EARS2: variants seen among roughly 807,000 people sequenced by gnomAD.
EARS2 encodes the protein glutamyl-tRNA synthetase 2, mitochondrial, also known as nondiscriminating glutamyl-tRNA synthetase EARS2, mitochondrial.
In EARS2, 50 loss-of-function variants were observed where a neutral mutation model predicts 54.1. The observed-to-expected ratio is 0.92, with a 90% CI of 0.74 to 1.17. The LOEUF (loss-of-function observed/expected upper bound fraction) is 1.17, where lower values mean the gene tolerates loss of function less well. EARS2 is among the 50% of genes most tolerant of loss of function. The pLI is 0.00. For synonymous variants in EARS2, 298 were observed against 281.0 expected (o/e 1.06, Z -0.61); for missense variants, 673 against 675.0 (o/e 1.00, Z 0.03).
intron 1 of EARS2, 72 bp downstream of exon 1, chr16:23,557,133 A>G: frequency 6.7e-7 from 1 of 1,485,292 alleles, no homozygotes; most frequent in Non-Finnish European, 8.9e-7. Context: ...GAAAGGATTC[A>G]TTCGGGAACA....
At chr16:23,547,404 G>A (rs985597232) in intron 2 of EARS2, among the ~76,000 whole-genome samples, 4 of 152,190 alleles carry the variant, frequency 2.6e-5, no homozygotes, top group African/African-American at 7.2e-5. Flanking sequence ...TGATGGAAAT[G>A]TTCTGGAATT....
Position 23,521,858 on chromosome 16 carries a change from C to T in EARS2, c.*2513G>A. 1 of 456,052 alleles carries T rather than the reference C, an allele frequency of 2.2e-6. No individual in the cohort carries two copies. Among genetic ancestry groups the T allele is most frequent in the Non-Finnish European group, 4.4e-6 (1 of 226,804 alleles). The allele number at this position is 456,052 out of a possible 1,614,324, so 28.3% of individuals were successfully genotyped here. On this transcript the variant is annotated 3_prime_UTR_variant, in exon 9 of 9. Transcript: ENST00000449606. Reference sequence around the variant, plus strand: ...GTCTTAGAAACAGATGCTCTGACAACACTCAGTAGATCAGAGTTAAGCTTG... The same window carrying T: ...GTCTTAGAAACAGATGCTCTGACAATACTCAGTAGATCAGAGTTAAGCTTG...
chr16:23,528,567 G>A (rs1965268616), intron 7 of EARS2, among the ~76,000 whole-genome samples: 1 of 152,220 alleles, frequency 6.6e-6, no homozygotes. Context: ...CCTCATGGTG[G>A]AGACAGGCAG....
In EARS2 at chr16:23,529,874, C is replaced by T. The variant is rs1315861383; in HGVS notation, c.1091G>A (p.Ser364Asn). Reference protein sequence around the residue: ...FNRLHLQRLVSNESQRRQLVG... With the variant: ...FNRLHLQRLVNNESQRRQLVG... ...CAGCTGGCGCCTCTGGCTCTCATTG[C>T]TCACCAGCCGCTGGAGGTGCAGTCT... Residue 364 changes from serine to asparagine, a missense_variant, in exon 6 of 9, where the codon AGC becomes AAC. Physicochemically the swap from Ser to Asn is conservative, Grantham distance 46. Transcript: ENST00000449606. The T allele has an allele frequency of 6.2e-7, 1 of 1,614,028 alleles. No individual in the cohort carries two copies. Among genetic ancestry groups the T allele is most frequent in the African/African-American group, 1.3e-5 (1 of 74,910 alleles).
Position 23,525,271 on chromosome 16 carries a change from G to C in EARS2, c.1461C>G (p.Leu487=). 1 of 1,614,120 alleles carries C rather than the reference G, an allele frequency of 6.2e-7. No individual in the cohort carries two copies. The highest frequency in any genetic ancestry group is 1.3e-5 in the African/African-American group (1 of 75,016). Residue 487 remains leucine (L), a synonymous_variant, in exon 8 of 9, where the codon CTC becomes CTG. Coordinates refer to ENST00000449606, the MANE Select transcript of EARS2 (RefSeq NM_001083614.2). ...EGTKYSNVMK[L]LRMALSGQQQ... is the part of the protein sequence containing the mutation. The stretch of plus-strand genomic sequence containing the variant: ...GCTGTCCACTGAGGGCCATCCGAAG[G>C]AGTTTCATCACATTACTGTACTTGG...
At chr16:23,525,467 AC>A in intron 7 of EARS2, 88 bp from the exon 8 acceptor site, 1 of 1,408,970 alleles carries the variant, frequency 7.1e-7, no homozygotes, top group Non-Finnish European at 9.7e-7. Flanking sequence ...TTGATCAGCT[AC>A]AGTACGAGCA....
At position 23,524,035 on chromosome 16, in the gene EARS2, T is replaced by C; in HGVS notation, c.*336A>G. ...CTGTGGCATTTTGTTATGGGGGCCCTAGCAAACTGAAACCCAAGCCTTCTG... is the reference window on the plus strand; with the variant it reads ...CTGTGGCATTTTGTTATGGGGGCCCCAGCAAACTGAAACCCAAGCCTTCTG... On this transcript the variant is annotated 3_prime_UTR_variant, in exon 9 of 9. Coordinates refer to ENST00000449606, the MANE Select transcript of EARS2 (RefSeq NM_001083614.2). 8.5e-6 allele frequency: 2 copies of C among 236,582 alleles called. No homozygotes were observed. Among genetic ancestry groups the C allele is most frequent in the Admixed American group, 5.3e-5 (1 of 18,880 alleles). The allele number at this position is 236,582 out of a possible 1,614,324, so 14.7% of individuals were successfully genotyped here. A position where few individuals can be genotyped will look rare whatever the true frequency, so the allele number is the denominator to read the frequency against.
intron 1 of EARS2, among the ~76,000 whole-genome samples, chr16:23,556,230 CA>C (rs1288116752): frequency 6.6e-6 from 1 of 152,064 alleles, no homozygotes; most frequent in Non-Finnish European, 1.5e-5. Flanking sequence ...TGGTGGGAAC[CA>C]AAAGGCCCTG....
intron 2 of EARS2, among the ~76,000 whole-genome samples, chr16:23,551,816 A>C (rs1438991218): frequency 6.6e-6 from 1 of 152,126 alleles, no homozygotes; most frequent in East Asian, 1.9e-4. Flanking sequence ...AGCTACTTGG[A>C]GGCTGAGGCA....
chr16:23,521,944 G>C lies in EARS2; in HGVS notation c.*2427C>G, dbSNP rs1033331851. On this transcript the variant is annotated 3_prime_UTR_variant, in exon 9 of 9. Transcript: ENST00000449606. ...GGTTTTGCCTCGTACTATAACCTCG[G>C]AAGTTTTAGTTAACTTTTCAGAACC... 5.2e-6 allele frequency: 2 copies of C among 382,636 alleles called. No individual in the cohort carries two copies. The highest frequency in any genetic ancestry group is 4.2e-5 in the African/African-American group (2 of 47,260). The allele number at this position is 382,636 out of a possible 1,614,324, so 23.7% of individuals were successfully genotyped here.
At chr16:23,554,011 A>G (rs1050618588) in intron 1 of EARS2, among the ~76,000 whole-genome samples, 4 of 152,094 alleles carry the variant, frequency 2.6e-5, no homozygotes, top group African/African-American at 9.7e-5. Context: ...TAAAGAAACA[A>G]AATTCATTTT....
chr16:23,544,930 C>T (rs1037639750), intron 2 of EARS2: 11 of 416,124 alleles, frequency 2.6e-5, no homozygotes, highest in Non-Finnish European at 4.7e-5. Context: ...CAACCTCCAC[C>T]TCCCAAGTTC....
At chr16:23,532,599 G>T in intron 5 of EARS2, 58 bp downstream of exon 5, 1 of 1,298,256 alleles carries the variant, frequency 7.7e-7, no homozygotes, top group Non-Finnish European at 1.1e-6. Flanking sequence ...CTGCTGTAGG[G>T]ATCATCATAA....
chr16:23,552,431 A>C, intron 1 of EARS2, 127 bp from the exon 2 acceptor site: 6 of 1,084,194 alleles, frequency 5.5e-6, no homozygotes, highest in Non-Finnish European at 6.6e-6. Flanking sequence ...ACATTGGCTC[A>C]CGCCTGTAAT....
rs973584894 is a variant in EARS2 at position 23,522,547 on chromosome 16, T to G, written c.*1824A>C. The G allele has an allele frequency of 1.3e-5, 2 of 152,226 alleles. No individual in the cohort carries two copies. The highest frequency in any genetic ancestry group is 4.8e-5 in the African/African-American group (2 of 41,452). 9.4% of individuals were successfully genotyped at this position (152,226 alleles called of 1,614,324 possible). On this transcript the variant is annotated 3_prime_UTR_variant, in exon 9 of 9. Transcript: ENST00000449606. ...ACATAAGTGAGGCAGAGTTGGTTTC[T>G]ATTGTTTGCAACCAACGAACTTAAT...
At position 23,534,930 on chromosome 16, in the gene EARS2, A is replaced by C; in HGVS notation, c.916T>G (p.Ser306Ala). ...CAGTTGGTGATGATGTCCAACAAGG[A>C]ATCGGGCAGGAAGCCATCAGCAGCA... The part of the protein sequence containing the change: ...HFAADGFLPD[S>A]LLDIITNCGS... Residue 306 changes from serine (S) to alanine (A), a missense_variant, in exon 4 of 9, where the codon TCC (serine) becomes GCC (alanine). Ser to Ala is a moderately conservative substitution (Grantham distance 99). Coordinates refer to ENST00000449606, the MANE Select transcript of EARS2 (RefSeq NM_001083614.2). The C allele has an allele frequency of 6.2e-7, 1 of 1,600,176 alleles. No individual in the cohort carries two copies. The highest frequency in any genetic ancestry group is 8.5e-7 in the Non-Finnish European group (1 of 1,171,370).
chr16:23,551,376 G>A (rs902722976), intron 2 of EARS2, among the ~76,000 whole-genome samples: 11 of 152,168 alleles, frequency 7.2e-5, no homozygotes, highest in Non-Finnish European at 1.5e-4. Flanking sequence ...AGCTCTTTGG[G>A]AGGCTGTAGC....
chr16:23,530,210 A>C (rs571508679), intron 5 of EARS2, among the ~76,000 whole-genome samples: 29 of 152,096 alleles, frequency 1.9e-4, no homozygotes, highest in Middle Eastern at 3.4e-3. Flanking sequence ...ACTACAGCCT[A>C]GACCTCCTAG....
chr16:23,556,078 G>C (rs992057899), intron 1 of EARS2, among the ~76,000 whole-genome samples: 1 of 152,206 alleles, frequency 6.6e-6, no homozygotes, highest in Admixed American at 6.5e-5. Context: ...TGGTTTGAAA[G>C]GCACTGCTCT....
Sources: gnomAD v4.1 joint callset for allele counts (sites outside exome capture counted in the v4.1 genomes callset) on GRCh38, gnomAD v4.1.1 for gene constraint, MANE v1.5 for transcripts, NCBI Gene and HGNC (gene_info 2026-07-23, HGNC 2026-07-21) for gene names.